Variants in GPHN observed in about 807,000 individuals in gnomAD.
The protein encoded by GPHN is gephyrin.
GPHN carries 17 observed loss-of-function variants against 95.5 expected under a neutral mutation model. The ratio of observed to expected loss-of-function variants is 0.18; its 90% confidence interval spans 0.12 to 0.27. GPHN has a LOEUF of 0.27. GPHN is among the 10% of genes least tolerant of loss of function. GPHN has a pLI of 1.00. For missense variants in GPHN, 660 were observed against 978.1 expected, an observed-to-expected ratio of 0.67 and a Z score of 4.34; for synonymous variants, 320 against 322.5, an observed-to-expected ratio of 0.99 and a Z score of 0.08.
the GPHN span, among the ~76,000 whole-genome samples, chr14:67,413,844 T>C: frequency 5.3e-5 from 8 of 152,320 alleles, no homozygotes; most frequent in South Asian, 1.7e-3. Flanking sequence ...TAGTAGGTGC[T>C]AGGTTTTATC....
intron 3 of GPHN, among the ~76,000 whole-genome samples, chr14:66,795,434 C>T (rs2060120901): frequency 6.6e-6 from 1 of 152,036 alleles, no homozygotes; most frequent in Non-Finnish European, 1.5e-5. Context: ...TTATTAATAA[C>T]TCAATGTTTG....
intron 2 of GPHN, among the ~76,000 whole-genome samples, chr14:66,731,270 T>A (rs985500520): frequency 4.6e-5 from 7 of 152,134 alleles, no homozygotes; most frequent in Non-Finnish European, 1.0e-4. Flanking sequence ...AAAAAGGTGG[T>A]TGTGACTTTG....
At chr14:67,592,284 A>G in the GPHN span, 1 of 411,098 alleles carries the variant, frequency 2.4e-6, no homozygotes. Flanking sequence ...AAAATAAAAA[A>G]AAAAAATTAG....
At chr14:67,546,116 T>A in the GPHN span, among the ~76,000 whole-genome samples, 1 of 152,156 alleles carries the variant, frequency 6.6e-6, no homozygotes, top group Non-Finnish European at 1.5e-5. Flanking sequence ...CTTATTGCCA[T>A]AAGAAAATGT....
At chr14:67,184,442 G>T (rs1365728449), downstream of GPHN, among the ~76,000 whole-genome samples, 1 of 152,148 alleles carries the variant, frequency 6.6e-6, no homozygotes, top group Non-Finnish European at 1.5e-5. Flanking sequence ...CAGGTGAGGG[G>T]GTAGAGGTGA....
At chr14:67,131,869 G>T (rs1437779090) in intron 17 of GPHN, among the ~76,000 whole-genome samples, 1 of 151,982 alleles carries the variant, frequency 6.6e-6, no homozygotes, top group African/African-American at 2.4e-5. Flanking sequence ...TATTGAATAA[G>T]GATTCAACTT....
the GPHN span, chr14:67,338,586 T>G: frequency 6.2e-7 from 1 of 1,602,826 alleles, no homozygotes; most frequent in Non-Finnish European, 8.5e-7. Flanking sequence ...ATGAAGCCAG[T>G]GTTAGGGTTT....
chr14:67,399,362 T>C, the GPHN span, among the ~76,000 whole-genome samples: 1 of 148,496 alleles, frequency 6.7e-6, no homozygotes, highest in Non-Finnish European at 1.5e-5. Flanking sequence ...TTTAGGTGGT[T>C]CTCAGGTGGC....
intron 11 of GPHN, among the ~76,000 whole-genome samples, chr14:67,076,230 T>G (rs535170377): frequency 1.2e-3 from 176 of 152,324 alleles, no homozygotes; most frequent in African/African-American, 4.0e-3. Flanking sequence ...CAGATAATTG[T>G]TAGCATTTTT....
intron 9 of GPHN, among the ~76,000 whole-genome samples, chr14:66,993,822 G>T (rs987709411): frequency 6.6e-6 from 1 of 151,770 alleles, no homozygotes; most frequent in Admixed American, 6.6e-5. Context: ...TCCTTGTTTG[G>T]CATTTTGGCA....
intron 3 of GPHN, among the ~76,000 whole-genome samples, chr14:66,777,377 T>C (rs1046698858): frequency 1.3e-5 from 2 of 152,146 alleles, no homozygotes; most frequent in African/African-American, 2.4e-5. Context: ...GATTCACAGC[T>C]GAATTCTACC....
chr14:67,502,190 G>A, the GPHN span, among the ~76,000 whole-genome samples: 1 of 151,868 alleles, frequency 6.6e-6, no homozygotes, highest in Non-Finnish European at 1.5e-5. Context: ...AATTAGCTGG[G>A]TATGGTGGCA....
At chr14:67,232,683 A>C in the GPHN span, among the ~76,000 whole-genome samples, 1 of 152,196 alleles carries the variant, frequency 6.6e-6, no homozygotes, top group East Asian at 1.9e-4. Context: ...CATTAAAGTG[A>C]ATTCTCACAT....
chr14:66,969,115 A>G (rs1426476023), intron 9 of GPHN: 1 of 152,102 alleles, frequency 6.6e-6, no homozygotes, highest in Non-Finnish European at 1.5e-5. Context: ...TTTCTCCAGC[A>G]AATTTGTTTG....
the GPHN span, chr14:67,722,517 G>A: frequency 1.2e-6 from 1 of 822,034 alleles, no homozygotes; most frequent in Non-Finnish European, 2.2e-6. Context: ...TCAGCACCCA[G>A]GACGGAGAGG....
chr14:67,115,138 A>G (rs1431906014), intron 16 of GPHN, among the ~76,000 whole-genome samples: 4 of 152,020 alleles, frequency 2.6e-5, no homozygotes, highest in African/African-American at 9.7e-5. Context: ...CCTTTCTCTT[A>G]TTCAAAGTTA....
the GPHN span, among the ~76,000 whole-genome samples, chr14:67,609,596 A>G: frequency 2.6e-5 from 4 of 152,084 alleles, no homozygotes; most frequent in East Asian, 5.8e-4. Flanking sequence ...CCCTGAGCAC[A>G]TGGTTGCTTC....
chr14:66,859,498 A>G (rs1596175545), intron 4 of GPHN, among the ~76,000 whole-genome samples: 2 of 152,356 alleles, frequency 1.3e-5, no homozygotes, highest in East Asian at 3.9e-4. Context: ...CCTTTCTGAG[A>G]GAGACAGGTG....
At chr14:67,489,832 C>T in the GPHN span, among the ~76,000 whole-genome samples, 2 of 152,138 alleles carry the variant, frequency 1.3e-5, no homozygotes, top group Non-Finnish European at 1.5e-5. Flanking sequence ...CTACTAAAAG[C>T]ACAAAAAATT....
Sources: gnomAD v4.1 joint callset for allele counts (sites outside exome capture counted in the v4.1 genomes callset) on GRCh38, gnomAD v4.1.1 for gene constraint, MANE v1.5 for transcripts, NCBI Gene and HGNC (gene_info 2026-07-23, HGNC 2026-07-21) for gene names.